The following SCRIB variants were observed in gnomAD, a reference collection of about 807,000 sequenced individuals.
SCRIB encodes protein scribble homolog.
A neutral mutation model predicts 170.0 loss-of-function variants in SCRIB; 72 were observed. That is an observed-to-expected ratio of 0.42 (90% CI 0.35 to 0.52). The LOEUF (loss-of-function observed/expected upper bound fraction) is 0.52. Ranked by LOEUF, SCRIB falls within the 20% of genes least tolerant of loss-of-function variation. SCRIB has a pLI of 0.02. For synonymous variants in SCRIB, 1,298 were observed against 1,044.3 expected (o/e 1.24, Z -4.68); for missense variants, 2,475 against 2,338.5 (o/e 1.06, Z -1.20).
rs1478074236 is a variant in SCRIB at position 143,814,113 on chromosome 8, A to G, written c.165T>C (p.Phe55=). The G allele has an allele frequency of 6.4e-7, 1 of 1,553,288 alleles. No homozygotes were observed. Among genetic ancestry groups the G allele is most frequent in the East Asian group, 2.4e-5 (1 of 41,106 alleles). The change falls in exon 2 of 37, where the codon TTT becomes TTC. Residue 55 remains phenylalanine, a synonymous_variant. Coordinates refer to ENST00000356994, the MANE Select transcript of SCRIB (RefSeq NM_182706.5). ...ANQLRELPKP[F]FRLLNLRKLG... is the part of the protein sequence containing the mutation. ...GCTTGCGCAAGTTCAGCAGCCGGAA[A>G]AAAGGCTGTGGGCAGGGAGGACACG...
chr8:143,809,588 G>A lies in SCRIB; in HGVS notation c.1661C>T (p.Ala554Val). The A allele has an allele frequency of 6.2e-7, 1 of 1,611,548 alleles. No homozygotes were observed. Among genetic ancestry groups the A allele is most frequent in the Non-Finnish European group, 8.5e-7 (1 of 1,179,822 alleles). ...CTCTTCGGCGTCTTCCTCCCCGCCA[G>A]CAGTCGTGGCTTCCTGCTGGCTCCC... ...QGGSQQEATT[A>V]GGEEDAEEDY... Residue 554 changes from alanine to valine, a missense_variant, in exon 14 of 37, where the codon GCT becomes GTT. Physicochemically the swap from Ala to Val is moderately conservative, Grantham distance 64. Coordinates refer to ENST00000356994, the MANE Select transcript of SCRIB (RefSeq NM_182706.5).
Position 143,792,361 on chromosome 8 carries a change from AC to A in SCRIB, c.4372del (p.Val1458CysfsTer49). The A allele has an allele frequency of 1.3e-6, 2 of 1,529,668 alleles. No individual in the cohort carries two copies. The highest frequency in any genetic ancestry group is 1.2e-5 in the South Asian group (1 of 82,814). 94.8% of individuals were successfully genotyped at this position (1,529,668 alleles called of 1,614,324 possible). A position where few individuals can be genotyped will look rare whatever the true frequency, so the allele number is the denominator to read the frequency against. ...GCGCCGTTCAGCTTTGGCCGTCCGC[AC>A]CGGGGCGCCACCTCCCAGGGGTGGG... ...SPPPLGGGAP[V>X]RTAKAERRHQ... On this transcript the variant is annotated frameshift_variant, in exon 32 of 37. Coordinates refer to ENST00000356994, the MANE Select transcript of SCRIB (RefSeq NM_182706.5). LOFTEE classifies it high-confidence loss of function.
chr8:143,794,957 T>C (rs1814875968), intron 27 of SCRIB, 81 bp downstream of exon 27: 1 of 1,391,714 alleles, frequency 7.2e-7, no homozygotes, highest in African/African-American at 1.4e-5. Context: ...CCCTCCCGGA[T>C]GGCCCTGGCG....
intron 17 of SCRIB, 112 bp downstream of exon 17, chr8:143,806,812 G>A (rs972656833): frequency 1.1e-5 from 9 of 807,058 alleles, no homozygotes; most frequent in Admixed American, 5.7e-5. Flanking sequence ...GGCCCAGCCC[G>A]TGTCCCCAGA....
In SCRIB at chr8:143,813,852, C is replaced by G. The variant is rs1176044778; in HGVS notation, c.322G>C (p.Glu108Gln). The change falls in exon 3 of 37, where the codon GAG (glutamate) becomes CAG (glutamine). Residue 108 changes from glutamate to glutamine, a missense_variant. Physicochemically the swap from Glu to Gln is conservative, Grantham distance 29. This residue lies in a region of SCRIB where 487 missense variants were observed against 558.1 expected (regional missense o/e 0.87). Coordinates refer to ENST00000356994, the MANE Select transcript of SCRIB (RefSeq NM_182706.5). ...PESIKFCKAL[E>Q]IADFSGNPLS... ...GGGTTCCCGCTGAAGTCCGCGATCT[C>G]CAGAGCCTTGCAGAACTTGATGCTC... 1 of 1,610,472 alleles carries G rather than the reference C, an allele frequency of 6.2e-7. No homozygotes were observed. The highest frequency in any genetic ancestry group is 8.5e-7 in the Non-Finnish European group (1 of 1,177,872).
intron 16 of SCRIB, 149 bp from the exon 17 acceptor site, chr8:143,807,162 G>A: frequency 1.5e-6 from 1 of 652,562 alleles, no homozygotes; most frequent in Admixed American, 2.6e-5. Flanking sequence ...GCCAGGGCCA[G>A]CCCAGACGCC....
At chr8:143,793,848 TGCCC>T (rs1814821711) in intron 28 of SCRIB, 48 bp downstream of exon 28, 17 of 1,576,760 alleles carry the variant, frequency 1.1e-5, no homozygotes, top group Non-Finnish European at 1.5e-5. Context: ...AGCGGCCATC[TGCCC>T]TGCCCTCCAC....
rs1554635493 is a variant in SCRIB, at chr8:143,803,619, AGGGC to A, written c.3414+24_3414+27del. On this transcript the variant is annotated intron_variant, in intron 23 of 36. Coordinates refer to ENST00000356994, the MANE Select transcript of SCRIB (RefSeq NM_182706.5). The stretch of plus-strand genomic sequence containing the variant: ...AGAGACCTGTTGGGGGGTGGGGCCC[AGGGC>A]GGGCTGGGGTGGGGGGGGCTCACCT... The A allele has an allele frequency of 8.4e-6, 3 of 357,430 alleles. No individual in the cohort carries two copies. In the East Asian group the frequency reaches 2.7e-4, roughly 32 times the overall value. 22.1% of individuals were successfully genotyped at this position (357,430 alleles called of 1,614,324 possible).
chr8:143,801,721 G>A (rs781788137), intron 24 of SCRIB, among the ~76,000 whole-genome samples: 1 of 152,188 alleles, frequency 6.6e-6, no homozygotes, highest in Non-Finnish European at 1.5e-5. Flanking sequence ...TAGCAGTGAC[G>A]GGGAAGGGGA....
In SCRIB at chr8:143,808,599, T is replaced by C. The variant is rs201609809; in HGVS notation, c.2115+10A>G. 5,288 of 1,505,390 alleles carry C rather than the reference T, an allele frequency of 3.5e-3. 16 individuals carry two copies. Among genetic ancestry groups the C allele is most frequent in the Non-Finnish European group, 4.2e-3 (4,713 of 1,128,020 alleles). The allele number at this position is 1,505,390 out of a possible 1,614,324, so 93.3% of individuals were successfully genotyped here. A position where few individuals can be genotyped will look rare whatever the true frequency, so the allele number is the denominator to read the frequency against. On this transcript the variant is annotated intron_variant, in intron 15 of 36. Transcript: ENST00000356994. Reference sequence around the variant, plus strand: ...AATCTGGGTCAGGCAGGGGTGAGGCTGACACCAACCTTGACAGAGGGCGCA... The same window carrying C: ...AATCTGGGTCAGGCAGGGGTGAGGCCGACACCAACCTTGACAGAGGGCGCA...
chr8:143,798,612 T>C (rs1815045232), intron 24 of SCRIB, among the ~76,000 whole-genome samples: 1 of 152,178 alleles, frequency 6.6e-6, no homozygotes, highest in African/African-American at 2.4e-5. Flanking sequence ...ATTTTGAAAT[T>C]AAGGAATTAA....
At position 143,791,885 on chromosome 8, in the gene SCRIB, C is replaced by A. The variant is rs782007188; in HGVS notation, c.4686G>T (p.Pro1562=). The change falls in exon 34 of 37, where the codon CCG becomes CCT. Residue 1562 remains proline, a synonymous_variant. Transcript: ENST00000356994. ...GCCACCGGCTCCTCACCAGGCGTCC[C>A]GGGGAGGTGCTGGTCTGGGGGCCGA... ...EDLGPQTSTS[P]GRLPLSGKKF... 2.7e-6 allele frequency: 4 copies of A among 1,501,356 alleles called. No homozygotes were observed. The highest frequency in any genetic ancestry group is 2.2e-5 in the Admixed American group (1 of 44,742). The allele number at this position is 1,501,356 out of a possible 1,614,324, so 93.0% of individuals were successfully genotyped here.
chr8:143,809,799 G>C (rs1047501648), intron 13 of SCRIB, 81 bp from the exon 14 acceptor site: 2 of 1,512,672 alleles, frequency 1.3e-6, no homozygotes, highest in Non-Finnish European at 1.8e-6. Context: ...CACGTGGCAG[G>C]CCTTCCCTGA....
rs778777343 is a variant in SCRIB, at chr8:143,812,377, C to T, written c.795G>A (p.Leu265=). 6.2e-7 allele frequency: 1 copy of T among 1,611,848 alleles called. No individual in the cohort carries two copies. The highest frequency in any genetic ancestry group is 8.5e-7 in the Non-Finnish European group (1 of 1,178,106). Residue 265 remains leucine (L), a synonymous_variant, in exon 9 of 37, where the codon CTG becomes CTA. Coordinates refer to ENST00000356994, the MANE Select transcript of SCRIB (RefSeq NM_182706.5). ...CTACCTTTAGGATGGATAGCTGCTTCAGCTGACCTGGCGTCGGGGAGACAG... is the reference window on the plus strand; with the variant it reads ...CTACCTTTAGGATGGATAGCTGCTTTAGCTGACCTGGCGTCGGGGAGACAG... ...LRRLPDGIGQ[L]KQLSILKVDQ...
At position 143,815,131 on chromosome 8, in the gene SCRIB, G is replaced by A. The variant is rs559520463; in HGVS notation, c.159+83C>T. ...AGCAGGGCCGGCTGGAGGCTGCGGT[G>A]ACTCGCCCGGGCAGATTCTGCCGCC... On this transcript the variant is annotated intron_variant, in intron 1 of 36. Coordinates refer to ENST00000356994, the MANE Select transcript of SCRIB (RefSeq NM_182706.5). 10 of 1,384,916 alleles carry A rather than the reference G, an allele frequency of 7.2e-6. No homozygotes were observed. The South Asian group carries it at 1.5e-4, about 21-fold the overall frequency. 85.8% of individuals were successfully genotyped at this position (1,384,916 alleles called of 1,614,324 possible). A position where few individuals can be genotyped will look rare whatever the true frequency, so the allele number is the denominator to read the frequency against.
Position 143,792,053 on chromosome 8 carries a change from G to A in SCRIB, c.4595C>T (p.Pro1532Leu). The A allele has an allele frequency of 1.3e-6, 2 of 1,586,798 alleles. No homozygotes were observed. The highest frequency in any genetic ancestry group is 1.7e-5 in the Admixed American group (1 of 57,724). The part of the protein sequence containing the change: ...RSQEGRGTRG[P>L]LERLAEAPSP... The stretch of plus-strand genomic sequence containing the variant: ...AGGGGCCTCGGCCAGTCGCTCCAGG[G>A]GCCCCCGCGTGCCCCGGCCTTCCTG... Residue 1532 changes from proline (P) to leucine (L), a missense_variant, in exon 33 of 37, where the codon CCC becomes CTC. This residue lies in a region of SCRIB where 1,966 missense variants were observed against 1,742.9 expected (regional missense o/e 1.13). Transcript: ENST00000356994.
chr8:143,804,546 T>G (rs898456481), intron 21 of SCRIB, 22 bp downstream of exon 21: 2 of 1,487,894 alleles, frequency 1.3e-6, no homozygotes, highest in Non-Finnish European at 1.8e-6. Flanking sequence ...GGTGGGTGCC[T>G]GGGTGGGGGC....
At chr8:143,804,891 C>A in intron 20 of SCRIB, 43 bp downstream of exon 20, 2 of 155,438 alleles carry the variant, frequency 1.3e-5, no homozygotes, top group Non-Finnish European at 2.0e-5. Context: ...CGGGGCGGGG[C>A]AGGGGGGATG....
In SCRIB at chr8:143,795,029, G is replaced by A. The variant is rs1554633782; in HGVS notation, c.3846+9C>T. ...CGGAGGTGGGGGGCACTGCACACTGGGCACTCACCCTCTGCACGCTGCCAG... is the reference window on the plus strand; with the variant it reads ...CGGAGGTGGGGGGCACTGCACACTGAGCACTCACCCTCTGCACGCTGCCAG... On this transcript the variant is annotated intron_variant, in intron 27 of 36. Coordinates refer to ENST00000356994, the MANE Select transcript of SCRIB (RefSeq NM_182706.5). The A allele has an allele frequency of 5.6e-6, 9 of 1,608,376 alleles. No homozygotes were observed. Among genetic ancestry groups the A allele is most frequent in the Non-Finnish European group, 7.6e-6 (9 of 1,177,606 alleles).
Sources: allele counts gnomAD v4.1 joint callset (sites outside exome capture counted in the v4.1 genomes callset), GRCh38; gene constraint gnomAD v4.1.1; regional missense constraint gnomAD v4.1.1; transcripts MANE v1.5; gene names NCBI Gene and HGNC (gene_info 2026-07-23, HGNC 2026-07-21).